Variants in EIF4H observed in about 807,000 individuals in gnomAD.
EIF4H encodes the protein eukaryotic translation initiation factor 4H.
EIF4H carries 8 observed loss-of-function variants against 30.6 expected under a neutral mutation model. That is an observed-to-expected ratio of 0.26 (90% confidence interval 0.15 to 0.47). The LOEUF is 0.47. Among genes scored for constraint, EIF4H ranks in the 20% least tolerant of loss-of-function variants. The probability of loss-of-function intolerance (pLI) is 0.99; values close to 1 mark genes in which losing one functional copy is unlikely to be tolerated. For missense variants in EIF4H, 188 were observed against 339.5 expected, an observed-to-expected ratio of 0.55 and a Z score of 3.51; for synonymous variants, 106 against 122.7, an observed-to-expected ratio of 0.86 and a Z score of 0.90.
rs1554709626 is a variant in EIF4H at position 74,189,755 on chromosome 7, T to C, written c.312+18T>C. The C allele has an allele frequency of 1.9e-6, 3 of 1,614,220 alleles. No homozygotes were observed. In the South Asian group the frequency reaches 3.3e-5, roughly 18 times the overall value. On this transcript the variant is annotated intron_variant, in intron 3 of 6. Transcript: ENST00000265753. ...ATGGTGCAGTAAGTATCCTCGGGTT[T>C]TCTCTGTCATAGCAGTTGAGATTGT...
intron 1 of EIF4H, among the ~76,000 whole-genome samples, chr7:74,177,708 CCTT>C (rs552137682): frequency 9.7e-4 from 147 of 151,564 alleles, no homozygotes; most frequent in African/African-American, 3.5e-3. Flanking sequence ...GGTTTGTTAT[CCTT>C]CTTCACTCCA....
intron 5 of EIF4H, among the ~76,000 whole-genome samples, chr7:74,194,410 G>T (rs528083774): frequency 6.6e-6 from 1 of 152,162 alleles, no homozygotes; most frequent in African/African-American, 2.4e-5. Context: ...CTGCTTTGAG[G>T]CTTTCTTGTT....
At chr7:74,183,056 T>G (rs1800999268) in intron 1 of EIF4H, among the ~76,000 whole-genome samples, 1 of 152,232 alleles carries the variant, frequency 6.6e-6, no homozygotes, top group Non-Finnish European at 1.5e-5. Flanking sequence ...GTCTTAGGTT[T>G]GTGCCTTCTC....
In EIF4H at chr7:74,190,431, T is replaced by G. The variant is rs573439321; in HGVS notation, c.469+125T>G. On this transcript the variant is annotated intron_variant, in intron 5 of 6. Coordinates refer to ENST00000265753, the MANE Select transcript of EIF4H (RefSeq NM_022170.2). The stretch of plus-strand genomic sequence containing the variant: ...GTTCCTTTAACAAATACAACTCTCC[T>G]GCAGGGTGCCCAGGCATGCAAGTAA... 29 of 937,208 alleles carry G rather than the reference T, an allele frequency of 3.1e-5. No individual in the cohort carries two copies. In the South Asian group the frequency reaches 4.4e-4, roughly 14 times the overall value. The allele number at this position is 937,208 out of a possible 1,614,324, so 58.1% of individuals were successfully genotyped here.
intron 5 of EIF4H, among the ~76,000 whole-genome samples, chr7:74,191,730 C>T (rs1247893515): frequency 6.6e-6 from 1 of 152,128 alleles, no homozygotes; most frequent in Non-Finnish European, 1.5e-5. Flanking sequence ...AAAGAAAACT[C>T]TGAAGATTCT....
intron 1 of EIF4H, among the ~76,000 whole-genome samples, chr7:74,177,196 G>A (rs1800860609): frequency 2.0e-5 from 3 of 152,102 alleles, no homozygotes; most frequent in South Asian, 2.1e-4. Context: ...TGATCCTCCC[G>A]CCTCAGCCTC....
chr7:74,185,231 G>A (rs1162374122), intron 1 of EIF4H, among the ~76,000 whole-genome samples: 4 of 152,114 alleles, frequency 2.6e-5, no homozygotes, highest in Admixed American at 1.3e-4. Flanking sequence ...GGCTTTAAGT[G>A]ATCCTCCCGC....
intron 1 of EIF4H, among the ~76,000 whole-genome samples, chr7:74,179,265 T>C (rs1554708093): frequency 6.6e-6 from 1 of 152,246 alleles, no homozygotes; most frequent in Non-Finnish European, 1.5e-5. Context: ...CAATAAGCAG[T>C]AGTTTCTATG....
intron 1 of EIF4H, among the ~76,000 whole-genome samples, chr7:74,175,968 A>G (rs1200315283): frequency 6.6e-6 from 1 of 152,138 alleles, no homozygotes; most frequent in Non-Finnish European, 1.5e-5. Context: ...AGATGCTATT[A>G]ATTTCAAATC....
At chr7:74,174,730 C>A (rs1464288805) in intron 1 of EIF4H, among the ~76,000 whole-genome samples, 1 of 152,200 alleles carries the variant, frequency 6.6e-6, no homozygotes, top group Admixed American at 6.5e-5. Flanking sequence ...CGCCGATGCC[C>A]GGAGACGAGC....
rs781882111 is a variant in EIF4H, at chr7:74,187,770, C to T, written c.219C>T (p.Val73=). 1 of 1,610,540 alleles carries T rather than the reference C, an allele frequency of 6.2e-7. No individual in the cohort carries two copies. The highest frequency in any genetic ancestry group is 8.5e-7 in the Non-Finnish European group (1 of 1,177,696). Residue 73 remains valine, a synonymous_variant, in exon 2 of 7, where the codon GTC becomes GTT. Transcript: ENST00000265753. ...TCAGCATAAGGAGTGTACGGCTAGT[C>T]AGAGACAAAGACACAGATAAATTTA... The part of the protein sequence containing the change: ...KDLSIRSVRL[V]RDKDTDKFKG...
intron 2 of EIF4H, among the ~76,000 whole-genome samples, chr7:74,189,018 G>A (rs1403148924): frequency 1.3e-5 from 2 of 152,124 alleles, no homozygotes; most frequent in African/African-American, 4.8e-5. Context: ...GGGCAAGGAC[G>A]CTGGGGGAGA....
In EIF4H at chr7:74,196,512, T is replaced by G. The variant is rs1238867343; in HGVS notation, c.*1204T>G. The G allele has an allele frequency of 6.6e-6, 1 of 152,250 alleles. No homozygotes were observed. The highest frequency in any genetic ancestry group is 1.5e-5 in the Non-Finnish European group (1 of 68,080). 9.4% of individuals were successfully genotyped at this position (152,250 alleles called of 1,614,324 possible). A position where few individuals can be genotyped will look rare whatever the true frequency, so the allele number is the denominator to read the frequency against. ...GCAGGGTTCAGCAGTTATGTGGGAG[T>G]GCTAGGGGTTAGGCTTTTGAGCTTG... is the stretch of plus-strand genomic sequence containing the variant. On this transcript the variant is annotated 3_prime_UTR_variant, in exon 7 of 7. Coordinates refer to ENST00000265753, the MANE Select transcript of EIF4H (RefSeq NM_022170.2).
chr7:74,195,162 C>T lies in EIF4H; in HGVS notation c.608-7C>T. On this transcript the variant is annotated splice_region_variant and splice_polypyrimidine_tract_variant and intron_variant, in intron 6 of 6. Transcript: ENST00000265753. ...CACTCTGACAAACTCTGCTTTTTCT[C>T]CCCCAGAGGAAAGAGCACAGAGACC... 1 of 1,613,220 alleles carries T rather than the reference C, an allele frequency of 6.2e-7. No homozygotes were observed. The highest frequency in any genetic ancestry group is 1.1e-5 in the South Asian group (1 of 90,974).
intron 1 of EIF4H, chr7:74,184,047 T>C (rs1157233289): frequency 6.6e-6 from 1 of 152,146 alleles, no homozygotes; most frequent in East Asian, 1.9e-4. Flanking sequence ...GAGGCACGAG[T>C]GAGTTGAACA....
At chr7:74,192,291 A>G (rs1451519519) in intron 5 of EIF4H, among the ~76,000 whole-genome samples, 2 of 152,188 alleles carry the variant, frequency 1.3e-5, no homozygotes, top group Admixed American at 6.5e-5. Flanking sequence ...AGGCTTGTTC[A>G]CTGAACTGTG....
At chr7:74,178,135 GTC>G (rs1451721125) in intron 1 of EIF4H, among the ~76,000 whole-genome samples, 1 of 151,972 alleles carries the variant, frequency 6.6e-6, no homozygotes, top group Non-Finnish European at 1.5e-5. Context: ...GAGACAGAGT[GTC>G]TCTATGTTGC....
chr7:74,175,687 A>G (rs1554707547), intron 1 of EIF4H, among the ~76,000 whole-genome samples: 1 of 152,134 alleles, frequency 6.6e-6, no homozygotes, highest in Non-Finnish European at 1.5e-5. Context: ...CTAAACATCA[A>G]ATTTGTTCTC....
At position 74,190,289 on chromosome 7, in the gene EIF4H, G is replaced by A. The variant is rs61732247; in HGVS notation, c.452G>A (p.Arg151Gln). 34 of 1,614,140 alleles carry A rather than the reference G, an allele frequency of 2.1e-5. No individual in the cohort carries two copies. Among genetic ancestry groups the A allele is most frequent in the Middle Eastern group, 1.6e-4 (1 of 6,062 alleles). ...GAATCTAGAGGTGGATGGGATTCCC[G>A]GGATGACTTCAATTCTGGTATCAGT... ...SRESRGGWDS[R>Q]DDFNSGFRDD... The change falls in exon 5 of 7, where the codon CGG (arginine) becomes CAG (glutamine). Residue 151 changes from arginine to glutamine, a missense_variant. Arg to Gln is a conservative substitution (Grantham distance 43). Transcript: ENST00000265753.
Sources: allele counts gnomAD v4.1 joint callset (sites outside exome capture counted in the v4.1 genomes callset), GRCh38; gene constraint gnomAD v4.1.1; transcripts MANE v1.5; gene names NCBI Gene and HGNC (gene_info 2026-07-23, HGNC 2026-07-21).